Variants in NRXN1 observed in about 807,000 individuals in gnomAD.
NRXN1 encodes neurexin 1, also known as neurexin-1.
In NRXN1, 39 loss-of-function variants were observed where a neutral mutation model predicts 150.9. The observed-to-expected ratio is 0.26, with a 90% CI of 0.20 to 0.34. The LOEUF (loss-of-function observed/expected upper bound fraction) is 0.34. NRXN1 is among the 10% of genes least tolerant of loss of function. The pLI is 1.00. For missense variants in NRXN1, 1,815 were observed against 1,949.9 expected, an observed-to-expected ratio of 0.93 and a Z score of 1.30; for synonymous variants, 924 against 757.0, an observed-to-expected ratio of 1.22 and a Z score of -3.62.
chr2:50,259,268 T>G (rs903898716), intron 17 of NRXN1, among the ~76,000 whole-genome samples: 1 of 151,928 alleles, frequency 6.6e-6, no homozygotes, highest in African/African-American at 2.4e-5. Flanking sequence ...TTTATCAAAT[T>G]TTAGCTAAAT....
intron 21 of NRXN1, among the ~76,000 whole-genome samples, chr2:50,017,401 A>G (rs1686827562): frequency 6.6e-6 from 1 of 152,212 alleles, no homozygotes; most frequent in Non-Finnish European, 1.5e-5. Flanking sequence ...AACACTACCA[A>G]GGAAAAGCAA....
intron 9 of NRXN1, among the ~76,000 whole-genome samples, chr2:50,550,150 A>G (rs1388826782): frequency 1.3e-5 from 2 of 152,148 alleles, no homozygotes; most frequent in East Asian, 1.9e-4. Flanking sequence ...ATGAAAAGCA[A>G]TTGATTTGAT....
chr2:50,182,593 T>C (rs1006796337), intron 18 of NRXN1, among the ~76,000 whole-genome samples: 4 of 152,088 alleles, frequency 2.6e-5, no homozygotes, highest in South Asian at 2.1e-4. Context: ...CACGTTGTTA[T>C]TGGATTTCTG....
chr2:50,384,523 A>AAAAT (rs1558640920), intron 17 of NRXN1, among the ~76,000 whole-genome samples: 1 of 141,902 alleles, frequency 7.0e-6, no homozygotes, highest in Admixed American at 7.3e-5. Flanking sequence ...AAAAAAAAAA[A>AAAAT]AAAAAAAAAA....
chr2:50,189,435 A>C (rs919125200), intron 18 of NRXN1, among the ~76,000 whole-genome samples: 3 of 152,184 alleles, frequency 2.0e-5, no homozygotes, highest in African/African-American at 7.2e-5. Context: ...TAATGGGTGC[A>C]GCAAACCACC....
rs142256735 is a variant in NRXN1, at chr2:50,607,630, T to C, written c.1320+12392A>G. ...TAAAGAATATATACAGAATTCAGCATGAGGATATTACCATACAGAAATGAT... is the reference window on the plus strand; with the variant it reads ...TAAAGAATATATACAGAATTCAGCACGAGGATATTACCATACAGAAATGAT... On this transcript the variant is annotated intron_variant, in intron 8 of 22. Coordinates refer to ENST00000401669, the MANE Select transcript of NRXN1 (RefSeq NM_001330078.2). Among the ~76,000 whole-genome samples the C allele has an allele frequency of 3.6e-3, 540 of 151,992 alleles. 3 individuals are homozygous for C. Among genetic ancestry groups the C allele is most frequent in the African/African-American group, 0.011 (467 of 41,474 alleles).
intron 17 of NRXN1, among the ~76,000 whole-genome samples, chr2:50,250,981 G>A (rs1488985451): frequency 1.4e-5 from 2 of 147,278 alleles, no homozygotes; most frequent in Admixed American, 6.8e-5. Context: ...CATTGCATAT[G>A]TAATAAATTT....
At chr2:50,209,588 G>T (rs2062862340) in intron 18 of NRXN1, among the ~76,000 whole-genome samples, 1 of 151,998 alleles carries the variant, frequency 6.6e-6, no homozygotes, top group East Asian at 1.9e-4. Flanking sequence ...CATGGCATAG[G>T]TACTTAAATA....
chr2:50,569,454 A>G (rs1670336248), intron 8 of NRXN1, among the ~76,000 whole-genome samples: 1 of 152,044 alleles, frequency 6.6e-6, no homozygotes, highest in South Asian at 2.1e-4. Context: ...AAAGAAAATA[A>G]TGACCCCAAG....
chr2:50,031,854 C>T (rs1689224384), intron 21 of NRXN1, among the ~76,000 whole-genome samples: 1 of 152,024 alleles, frequency 6.6e-6, no homozygotes, highest in African/African-American at 2.4e-5. Context: ...TCGCCATTCA[C>T]TGGTGAGGTG....
chr2:50,389,261 G>A (rs1009679891), intron 17 of NRXN1, among the ~76,000 whole-genome samples: 6 of 149,664 alleles, frequency 4.0e-5, no homozygotes, highest in African/African-American at 1.5e-4. Flanking sequence ...TCAGGCATAT[G>A]AATAAGTTGA....
At position 50,438,138 on chromosome 2, in the gene NRXN1, G is replaced by T. The variant is rs191769302; in HGVS notation, c.3364+27304C>A. Among the ~76,000 whole-genome samples the T allele has an allele frequency of 4.4e-4, 67 of 152,188 alleles. 1 individual carries two copies. The highest frequency in any genetic ancestry group is 3.3e-3 in the Admixed American group (50 of 15,274). On this transcript the variant is annotated intron_variant, in intron 17 of 22. Transcript: ENST00000401669. ...AGTAGAATCAAAAAAATTTTCCCAG[G>T]TCATGGCCAGGAGTTAACTGAGTAT...
At chr2:50,745,049 C>T (rs969769112) in intron 5 of NRXN1, among the ~76,000 whole-genome samples, 1 of 152,042 alleles carries the variant, frequency 6.6e-6, no homozygotes, top group Non-Finnish European at 1.5e-5. Context: ...AGGCATGCAC[C>T]ATCATGGTTA....
chr2:50,914,426 A>T (rs1684939999), intron 5 of NRXN1, among the ~76,000 whole-genome samples: 1 of 151,756 alleles, frequency 6.6e-6, no homozygotes, highest in Admixed American at 6.6e-5. Flanking sequence ...TCAGAAGCCA[A>T]ACTTCCAGGA....
At chr2:51,026,368 C>CACTT in intron 2 of NRXN1, 2 of 1,571,858 alleles carry the variant, frequency 1.3e-6, no homozygotes, top group Non-Finnish European at 1.7e-6. Flanking sequence ...ACCACTCACT[C>CACTT]ACTTTCTGTT....
chr2:51,019,004 T>C (rs999613963), intron 2 of NRXN1, among the ~76,000 whole-genome samples: 1 of 152,084 alleles, frequency 6.6e-6, no homozygotes, highest in East Asian at 1.9e-4. Context: ...TTTATTATCA[T>C]GACAGTAGGA....
At chr2:50,718,321 C>T (rs1696139736) in intron 5 of NRXN1, among the ~76,000 whole-genome samples, 1 of 151,970 alleles carries the variant, frequency 6.6e-6, no homozygotes, top group South Asian at 2.1e-4. Context: ...AGCCACATTA[C>T]CGTTAAAGAA....
At chr2:50,839,871 GGTT>G (rs1259195718) in intron 5 of NRXN1, among the ~76,000 whole-genome samples, 1 of 152,078 alleles carries the variant, frequency 6.6e-6, no homozygotes. Context: ...TAGGGAATAT[GGTT>G]GTTGCTATTT....
chr2:50,750,357 A>AC (rs1229628999), intron 5 of NRXN1, among the ~76,000 whole-genome samples: 7 of 151,776 alleles, frequency 4.6e-5, no homozygotes, highest in Non-Finnish European at 8.8e-5. Context: ...AAAATTAAAA[A>AC]ATGTCACAGA....
Sources: allele counts gnomAD v4.1 joint callset (sites outside exome capture counted in the v4.1 genomes callset), GRCh38; gene constraint gnomAD v4.1.1; transcripts MANE v1.5; gene names NCBI Gene and HGNC (gene_info 2026-07-23, HGNC 2026-07-21).